The following CMIP variants were observed in gnomAD, a reference collection of about 807,000 sequenced individuals.
CMIP encodes C-Maf-inducing protein.
In CMIP, 13 loss-of-function variants were observed where a neutral mutation model predicts 97.3. The observed-to-expected ratio is 0.13, with a 90% CI of 0.09 to 0.21. CMIP has a LOEUF of 0.21. CMIP is among the 10% of genes least tolerant of loss of function. The probability of loss-of-function intolerance (pLI) is 1.00; values close to 1 mark genes in which losing one functional copy is unlikely to be tolerated. For synonymous variants in CMIP, 538 were observed against 436.3 expected (o/e 1.23, Z -2.91); for missense variants, 847 against 1,024.9 (o/e 0.83, Z 2.37).
rs930960806 is a variant in CMIP at position 81,621,023 on chromosome 16, C to T, written c.477+97C>T. ...CCCAGAGGCATGAAAGTGGAGAACT[C>T]ATGCCTTCCAGATGGCTCAGCTGAG... On this transcript the variant is annotated intron_variant, in intron 3 of 20. Coordinates refer to ENST00000537098, the MANE Select transcript of CMIP (RefSeq NM_198390.3). The surrounding 1 kb of genome is among the most constrained non-coding windows in gnomAD (Gnocchi z 4.1). 1 of 1,488,602 alleles carries T rather than the reference C, an allele frequency of 6.7e-7. No homozygotes were observed. The highest frequency in any genetic ancestry group is 9.3e-7 in the Non-Finnish European group (1 of 1,079,994). The allele number at this position is 1,488,602 out of a possible 1,614,324, so 92.2% of individuals were successfully genotyped here. A position where few individuals can be genotyped will look rare whatever the true frequency, so the allele number is the denominator to read the frequency against.
chr16:81,473,787 G>A (rs986486328), intron 1 of CMIP, among the ~76,000 whole-genome samples: 2 of 147,612 alleles, frequency 1.4e-5, no homozygotes, highest in East Asian at 3.9e-4. Flanking sequence ...GTCTGCTGAC[G>A]TGTTTTACTT....
At chr16:81,620,991 T>A in intron 3 of CMIP, 65 bp downstream of exon 3, 3 of 1,594,718 alleles carry the variant, frequency 1.9e-6, no homozygotes, top group Non-Finnish European at 2.6e-6. Flanking sequence ...TTAAAGCCAA[T>A]CTGTCACCCA....
In CMIP at chr16:81,709,629, C is replaced by A. The variant is rs941590712; in HGVS notation, c.2269-117C>A. The A allele has an allele frequency of 7.8e-6, 9 of 1,155,966 alleles. No individual in the cohort carries two copies. The Admixed American group carries it at 1.0e-4, about 13-fold the overall frequency. 71.6% of individuals were successfully genotyped at this position (1,155,966 alleles called of 1,614,324 possible). On this transcript the variant is annotated intron_variant, in intron 20 of 20. Coordinates refer to ENST00000537098, the MANE Select transcript of CMIP (RefSeq NM_198390.3). Reference sequence around the variant, plus strand: ...CAAGAGCCCAGGTAGCCCACAGCACCAAGGTGGGGAGAGGGTGGCAGAGAC... The same window carrying A: ...CAAGAGCCCAGGTAGCCCACAGCACAAAGGTGGGGAGAGGGTGGCAGAGAC...
chr16:81,600,153 A>C (rs1408131020), intron 1 of CMIP, among the ~76,000 whole-genome samples: 1 of 151,456 alleles, frequency 6.6e-6, no homozygotes, highest in Non-Finnish European at 1.5e-5. Context: ...GTGGTGGGTG[A>C]CTGTAATCCC....
intron 1 of CMIP, among the ~76,000 whole-genome samples, chr16:81,486,990 G>A (rs1409294443): frequency 2.0e-5 from 3 of 152,270 alleles, no homozygotes; most frequent in African/African-American, 7.2e-5. Flanking sequence ...GCGCCGTGAG[G>A]GAAGCTTCTG....
At chr16:81,673,106 G>A (rs1185730465) in intron 9 of CMIP, among the ~76,000 whole-genome samples, 4 of 152,194 alleles carry the variant, frequency 2.6e-5, no homozygotes, top group African/African-American at 9.7e-5. Flanking sequence ...CCTGGCTTTG[G>A]AGCCTCCAAA....
chr16:81,483,264 CTAAAGGAGG>C (rs1229190782), intron 1 of CMIP, among the ~76,000 whole-genome samples: 3 of 152,084 alleles, frequency 2.0e-5, no homozygotes, highest in Admixed American at 1.3e-4. Flanking sequence ...GGGGCAGCGG[CTAAAGGAGG>C]TAAAGGAGCC....
In CMIP at chr16:81,638,606, C is replaced by G. The variant is rs543193460; in HGVS notation, c.478-13597C>G. 1.8e-4 allele frequency among the ~76,000 whole-genome samples: 28 copies of G among 152,224 alleles called. No individual in the cohort carries two copies. In the South Asian group the frequency reaches 4.4e-3, roughly 24 times the overall value. The stretch of plus-strand genomic sequence containing the variant: ...CTCCCCTTGTCCCTTTCCTCTCCCC[C>G]CTCTCCCTTCTCCTTGGAGAAGAAC... On this transcript the variant is annotated intron_variant, in intron 3 of 20. Coordinates refer to ENST00000537098, the MANE Select transcript of CMIP (RefSeq NM_198390.3).
intron 1 of CMIP, among the ~76,000 whole-genome samples, chr16:81,576,894 G>C (rs995938359): frequency 6.6e-6 from 1 of 152,046 alleles, no homozygotes; most frequent in Non-Finnish European, 1.5e-5. Context: ...GTACTTGGTC[G>C]TAGTGGAGGC....
intron 3 of CMIP, among the ~76,000 whole-genome samples, chr16:81,642,128 G>T (rs7205166): frequency 5.9e-5 from 9 of 152,212 alleles, no homozygotes; most frequent in African/African-American, 2.2e-4. Context: ...CTTGTCACTC[G>T]TCATTCATCA....
Position 81,621,797 on chromosome 16 carries a change from C to T in CMIP, c.477+871C>T, listed in dbSNP as rs575682631. 1.0e-4 allele frequency: 16 copies of T among 152,694 alleles called. No individual in the cohort carries two copies. The highest frequency in any genetic ancestry group is 4.6e-4 in the Admixed American group (7 of 15,308). 9.5% of individuals were successfully genotyped at this position (152,694 alleles called of 1,614,324 possible). On this transcript the variant is annotated intron_variant, in intron 3 of 20. Coordinates refer to ENST00000537098, the MANE Select transcript of CMIP (RefSeq NM_198390.3). The surrounding 1 kb of genome is among the most constrained non-coding windows in gnomAD (Gnocchi z 4.1). ...ACGTGTTGGGAGGACCCAGGGAACA[C>T]TCAGGATTCCTCTCATGGCTCCAGA...
chr16:81,669,603 T>A (rs2092659781), intron 7 of CMIP, among the ~76,000 whole-genome samples: 1 of 125,430 alleles, frequency 8.0e-6, no homozygotes, highest in Non-Finnish European at 1.7e-5. Context: ...CACCCACCTC[T>A]CACCTCCTTC....
chr16:81,551,208 C>T (rs1424350505), intron 1 of CMIP, among the ~76,000 whole-genome samples: 4 of 150,656 alleles, frequency 2.7e-5, no homozygotes, highest in Middle Eastern at 3.2e-3. Context: ...TTCCATCACA[C>T]GCACCCCAGT....
At chr16:81,495,378 C>T (rs1469162534) in intron 1 of CMIP, 2 of 1,532,310 alleles carry the variant, frequency 1.3e-6, no homozygotes, top group African/African-American at 1.4e-5. Context: ...GCGTGCATGG[C>T]ATAACCGTTT....
intron 9 of CMIP, among the ~76,000 whole-genome samples, chr16:81,675,062 C>T (rs1252782443): frequency 3.9e-5 from 6 of 152,152 alleles, no homozygotes; most frequent in Admixed American, 3.3e-4. Context: ...TTGGAAGGAG[C>T]GTTGGGGAGG....
chr16:81,541,374 C>T (rs751976051), intron 1 of CMIP, among the ~76,000 whole-genome samples: 1 of 152,146 alleles, frequency 6.6e-6, no homozygotes, highest in African/African-American at 2.4e-5. Flanking sequence ...GAGATGTGCA[C>T]GGTGGAGCCG....
intron 3 of CMIP, among the ~76,000 whole-genome samples, chr16:81,622,702 G>T (rs2092008870): frequency 6.6e-6 from 1 of 152,192 alleles, no homozygotes; most frequent in South Asian, 2.1e-4. Flanking sequence ...AAGGCTGTCA[G>T]GTGCGGTATC....
chr16:81,688,626 A>G (rs192686195), intron 10 of CMIP, among the ~76,000 whole-genome samples: 15 of 151,948 alleles, frequency 9.9e-5, no homozygotes, highest in Non-Finnish European at 5.9e-5. Flanking sequence ...TGCTGTTGTT[A>G]TTGTCATTGT....
chr16:81,465,168 A>G (rs921430657), intron 1 of CMIP, among the ~76,000 whole-genome samples: 8 of 152,244 alleles, frequency 5.3e-5, no homozygotes, highest in African/African-American at 1.9e-4. Context: ...GCAAATAAAC[A>G]GAAGAAAACC....
Sources: gnomAD v4.1 joint callset for allele counts (sites outside exome capture counted in the v4.1 genomes callset) on GRCh38, gnomAD v4.1.1 for gene constraint, Gnocchi (gnomAD v3.1) non-coding constraint, MANE v1.5 for transcripts, NCBI Gene and HGNC (gene_info 2026-07-23, HGNC 2026-07-21) for gene names.